The following BCAT2 variants were observed in gnomAD, a reference collection of about 807,000 sequenced individuals.
BCAT2 encodes branched chain amino acid transaminase 2, also known as branched-chain-amino-acid aminotransferase, mitochondrial.
In BCAT2, 44 loss-of-function variants were observed where a neutral mutation model predicts 52.9. The observed-to-expected ratio is 0.83, with a 90% CI of 0.65 to 1.07. The LOEUF (loss-of-function observed/expected upper bound fraction) is 1.07, where lower values mean the gene tolerates loss of function less well. Ranked by LOEUF, BCAT2 falls within the 50% of genes least tolerant of loss-of-function variation. The pLI is 0.00. For missense variants in BCAT2, 478 were observed against 521.8 expected, an observed-to-expected ratio of 0.92 and a Z score of 0.82; for synonymous variants, 215 against 217.1, an observed-to-expected ratio of 0.99 and a Z score of 0.08.
chr19:48,799,360 G>T lies in BCAT2; in HGVS notation c.695+315C>A, dbSNP rs911034165. The T allele has an allele frequency of 2.3e-4, 64 of 277,724 alleles. No homozygotes were observed. Among genetic ancestry groups the T allele is most frequent in the Non-Finnish European group, 6.0e-5 (9 of 149,678 alleles). The allele number at this position is 277,724 out of a possible 1,614,324, so 17.2% of individuals were successfully genotyped here. ...TGGGGGATCAGGGGAGGCTTCTGGG[G>T]CGAGAAGCCAATGAGCTGAGTGTAA... On this transcript the variant is annotated intron_variant, in intron 6 of 10. Coordinates refer to ENST00000316273, the MANE Select transcript of BCAT2 (RefSeq NM_001190.4). This position sits in a 1 kb window ranked among gnomAD's most constrained non-coding sequence, Gnocchi z 5.5.
At chr19:48,795,534 C>G (rs2034487407) in intron 10 of BCAT2, 70 bp from the exon 11 acceptor site, 28 of 1,572,390 alleles carry the variant, frequency 1.8e-5, no homozygotes, top group Non-Finnish European at 2.4e-5. Flanking sequence ...CTGGGGTGTT[C>G]CAGGCCGAGT....
At position 48,799,600 on chromosome 19, in the gene BCAT2, G is replaced by A. The variant is rs1239582542; in HGVS notation, c.695+75C>T. Reference sequence around the variant, plus strand: ...TCATGTGACATCCAGAGGCATGGCCGAAAGCACGCACGCTGGTCCCTGTGT... The same window carrying A: ...TCATGTGACATCCAGAGGCATGGCCAAAAGCACGCACGCTGGTCCCTGTGT... On this transcript the variant is annotated intron_variant, in intron 6 of 10. Transcript: ENST00000316273. The surrounding 1 kb of genome is among the most constrained non-coding windows in gnomAD (Gnocchi z 5.5). 3.4e-6 allele frequency: 5 copies of A among 1,457,236 alleles called. No homozygotes were observed. The highest frequency in any genetic ancestry group is 3.6e-6 in the Non-Finnish European group (4 of 1,101,826). 90.3% of individuals were successfully genotyped at this position (1,457,236 alleles called of 1,614,324 possible).
Position 48,807,065 on chromosome 19 carries a change from G to C in BCAT2, c.34C>G (p.Arg12Gly), listed in dbSNP as rs139293308. The C allele has an allele frequency of 6.2e-7, 1 of 1,613,774 alleles. No homozygotes were observed. Among genetic ancestry groups the C allele is most frequent in the Non-Finnish European group, 8.5e-7 (1 of 1,179,810 alleles). Residue 12 changes from arginine (R) to glycine (G), a missense_variant, in exon 2 of 11, where the codon CGA (arginine) becomes GGA (glycine). Coordinates refer to ENST00000316273, the MANE Select transcript of BCAT2 (RefSeq NM_001190.4). The surrounding 1 kb of genome is among the most constrained non-coding windows in gnomAD (Gnocchi z 4.6). Reference sequence around the variant, plus strand: ...AGCCAAGGGACAGAGAGAAGCTTTCGTGCCCAGATCTGGGTGGAGAAAGAA... The same window carrying C: ...AGCCAAGGGACAGAGAGAAGCTTTCCTGCCCAGATCTGGGTGGAGAAAGAA... ...AAAALGQIWARKLLSVPWLLC... is the reference protein window; with the variant it reads ...AAAALGQIWAGKLLSVPWLLC...
At position 48,795,214 on chromosome 19, in the gene BCAT2, C is replaced by G. The variant is rs538721253; in HGVS notation, c.*212G>C. On this transcript the variant is annotated 3_prime_UTR_variant, in exon 11 of 11. Coordinates refer to ENST00000316273, the MANE Select transcript of BCAT2 (RefSeq NM_001190.4). ...GCACGACAAGGAGTAATGGGCGGAC[C>G]TGAACCCGCGACGAGGGGCTGGGGG... The G allele has an allele frequency of 1.6e-6, 1 of 633,488 alleles. No individual in the cohort carries two copies. Among genetic ancestry groups the G allele is most frequent in the East Asian group, 2.7e-5 (1 of 36,490 alleles). 39.2% of individuals were successfully genotyped at this position (633,488 alleles called of 1,614,324 possible).
chr19:48,808,775 C>G (rs1249202741), intron 1 of BCAT2, among the ~76,000 whole-genome samples: 1 of 150,970 alleles, frequency 6.6e-6, no homozygotes, highest in African/African-American at 2.4e-5. Context: ...AGAAAAAAAA[C>G]AAAGAAAGAA....
At position 48,807,204 on chromosome 19, in the gene BCAT2, GA is replaced by G. The variant is rs1168934765; in HGVS notation, c.25-131del. On this transcript the variant is annotated intron_variant, in intron 1 of 10. Coordinates refer to ENST00000316273, the MANE Select transcript of BCAT2 (RefSeq NM_001190.4). This position sits in a 1 kb window ranked among gnomAD's most constrained non-coding sequence, Gnocchi z 4.6. Reference sequence around the variant, plus strand: ...TCTGTCCCAGTTTCAGTCCATTCTAGACGGGGCAGGTGGTCCTGAAGGAGGC... The same window carrying G: ...TCTGTCCCAGTTTCAGTCCATTCTAGCGGGGCAGGTGGTCCTGAAGGAGGC... 5.2e-6 allele frequency: 4 copies of G among 767,594 alleles called. No individual in the cohort carries two copies. Among genetic ancestry groups the G allele is most frequent in the Non-Finnish European group, 8.3e-6 (4 of 479,748 alleles). The allele number at this position is 767,594 out of a possible 1,614,324, so 47.5% of individuals were successfully genotyped here.
rs1245884537 is a variant in BCAT2 at position 48,807,325 on chromosome 19, C to T, written c.25-251G>A. On this transcript the variant is annotated intron_variant, in intron 1 of 10. Transcript: ENST00000316273. This position sits in a 1 kb window ranked among gnomAD's most constrained non-coding sequence, Gnocchi z 4.6. ...GCTGCGGCAAAGTCAAACGCAAGCG[C>T]CTCCCACCCCAGAGACCTTTGGTCG... is the stretch of plus-strand genomic sequence containing the variant. 1.7e-5 allele frequency: 7 copies of T among 420,626 alleles called. No homozygotes were observed. The Admixed American group carries it at 2.5e-4, about 15-fold the overall frequency. 26.1% of individuals were successfully genotyped at this position (420,626 alleles called of 1,614,324 possible). A position where few individuals can be genotyped will look rare whatever the true frequency, so the allele number is the denominator to read the frequency against.
intron 3 of BCAT2, 91 bp from the exon 4 acceptor site, chr19:48,800,388 C>G: frequency 8.5e-7 from 1 of 1,176,090 alleles, no homozygotes; most frequent in Non-Finnish European, 1.2e-6. Flanking sequence ...CACAAAGACA[C>G]AGACAACTGA....
Position 48,807,253 on chromosome 19 carries a change from G to C in BCAT2, c.25-179C>G. 1.8e-6 allele frequency: 1 copy of C among 567,728 alleles called. No homozygotes were observed. Among genetic ancestry groups the C allele is most frequent in the Non-Finnish European group, 3.1e-6 (1 of 324,064 alleles). The allele number at this position is 567,728 out of a possible 1,614,324, so 35.2% of individuals were successfully genotyped here. ...GGCCAAGTCCCCTCCCTGCCCTGAC[G>C]AGGGCTCGCTGGAAAGAGCTGAGTC... On this transcript the variant is annotated intron_variant, in intron 1 of 10. Coordinates refer to ENST00000316273, the MANE Select transcript of BCAT2 (RefSeq NM_001190.4). The surrounding 1 kb of genome is among the most constrained non-coding windows in gnomAD (Gnocchi z 4.6).
chr19:48,805,770 T>A (rs1599806500), intron 3 of BCAT2, among the ~76,000 whole-genome samples: 1 of 40,316 alleles, frequency 2.5e-5, no homozygotes, highest in Non-Finnish European at 4.5e-5. Flanking sequence ...CTGCCATCCC[T>A]CCCCCGGCTG....
At position 48,807,556 on chromosome 19, in the gene BCAT2, C is replaced by T; in HGVS notation, c.25-482G>A. 3.5e-6 allele frequency: 1 copy of T among 285,134 alleles called. No homozygotes were observed. Among genetic ancestry groups the T allele is most frequent in the Non-Finnish European group, 5.3e-6 (1 of 188,288 alleles). The allele number at this position is 285,134 out of a possible 1,614,324, so 17.7% of individuals were successfully genotyped here. A position where few individuals can be genotyped will look rare whatever the true frequency, so the allele number is the denominator to read the frequency against. ...ACTCTAGCTGCCTCCTCCCTCAGAC[C>T]CGAAGTCTGGGCCCCCAGCCCCTCC... is the stretch of plus-strand genomic sequence containing the variant. On this transcript the variant is annotated intron_variant, in intron 1 of 10. Transcript: ENST00000316273. This position sits in a 1 kb window ranked among gnomAD's most constrained non-coding sequence, Gnocchi z 4.6.
At position 48,811,012 on chromosome 19, in the gene BCAT2, C is replaced by T; in HGVS notation, c.-5G>A. ...CCCCAGAGCGGCTGCGGCCATGATC[C>T]GTGCGGCGCGTAACTGTGCCCGCCC... On this transcript the variant is annotated 5_prime_UTR_variant, in exon 1 of 11. Transcript: ENST00000316273. 6.2e-7 allele frequency: 1 copy of T among 1,604,222 alleles called. No homozygotes were observed. The highest frequency in any genetic ancestry group is 1.1e-5 in the South Asian group (1 of 89,826).
In BCAT2 at chr19:48,807,050, C is replaced by G; in HGVS notation, c.49G>C (p.Val17Leu). 6.2e-7 allele frequency: 1 copy of G among 1,613,920 alleles called. No individual in the cohort carries two copies. Among genetic ancestry groups the G allele is most frequent in the Non-Finnish European group, 8.5e-7 (1 of 1,179,926 alleles). ...CTGGGACCACACAGAAGCCAAGGGA[C>G]AGAGAGAAGCTTTCGTGCCCAGATC... ...GQIWARKLLS[V>L]PWLLCGPRRY... Residue 17 changes from valine to leucine, a missense_variant, in exon 2 of 11, where the codon GTC (valine) becomes CTC (leucine). By Grantham distance (32) the Val-to-Leu change is conservative. Coordinates refer to ENST00000316273, the MANE Select transcript of BCAT2 (RefSeq NM_001190.4). The surrounding 1 kb of genome is among the most constrained non-coding windows in gnomAD (Gnocchi z 4.6).
In BCAT2 at chr19:48,796,399, AGCCCATTCCCCAGCTCCCT is replaced by A. The variant is rs777190327; in HGVS notation, c.1140+10_1140+28del. 1 of 1,613,970 alleles carries A rather than the reference AGCCCATTCCCCAGCTCCCT, an allele frequency of 6.2e-7. No individual in the cohort carries two copies. Among genetic ancestry groups the A allele is most frequent in the East Asian group, 2.2e-5 (1 of 44,878 alleles). ...CAACTTCTCCAGGGAACAAGCTCCC[AGCCCATTCCCCAGCTCCCT>A]GCAGCTCACCTGGATCTCCTTCAGC... On this transcript the variant is annotated intron_variant, in intron 10 of 10. Transcript: ENST00000316273.
chr19:48,797,637 G>A (rs962719147), intron 6 of BCAT2: 6 of 323,454 alleles, frequency 1.9e-5, no homozygotes, highest in South Asian at 9.0e-5. Flanking sequence ...TGCAACCTCC[G>A]CCTCCCAGGT....
rs2034600758 is a variant in BCAT2 at position 48,799,252 on chromosome 19, TAC to T, written c.695+421_695+422del. The T allele has an allele frequency of 6.2e-6, 1 of 161,010 alleles. No homozygotes were observed. The highest frequency in any genetic ancestry group is 1.3e-5 in the Non-Finnish European group (1 of 74,418). 10.0% of individuals were successfully genotyped at this position (161,010 alleles called of 1,614,324 possible). A position where few individuals can be genotyped will look rare whatever the true frequency, so the allele number is the denominator to read the frequency against. On this transcript the variant is annotated intron_variant, in intron 6 of 10. Coordinates refer to ENST00000316273, the MANE Select transcript of BCAT2 (RefSeq NM_001190.4). The surrounding 1 kb of genome is among the most constrained non-coding windows in gnomAD (Gnocchi z 5.5). Reference sequence around the variant, plus strand: ...AGCTGAGGCCACTGGGAGACAGATTTACACAGAAAGTCCACACGGGGGTGAGG... The same window carrying T: ...AGCTGAGGCCACTGGGAGACAGATTTACAGAAAGTCCACACGGGGGTGAGG...
rs1471894075 is a variant in BCAT2 at position 48,795,598 on chromosome 19, G to C, written c.1141-134C>G. ...CGGGAAATGTAGTCCACTTCCCAGA[G>C]GGCCCCAACAATGATGGGAACGGGG... On this transcript the variant is annotated intron_variant, in intron 10 of 10. Transcript: ENST00000316273. The C allele has an allele frequency of 1.7e-5, 17 of 993,650 alleles. No individual in the cohort carries two copies. The Admixed American group carries it at 3.2e-4, about 19-fold the overall frequency. The allele number at this position is 993,650 out of a possible 1,614,324, so 61.6% of individuals were successfully genotyped here. A position where few individuals can be genotyped will look rare whatever the true frequency, so the allele number is the denominator to read the frequency against.
chr19:48,806,442 T>G, intron 3 of BCAT2, 75 bp downstream of exon 3: 1 of 1,558,860 alleles, frequency 6.4e-7, no homozygotes. Flanking sequence ...CCAAGAGAGG[T>G]ACACCTGGCA....
rs969725115 is a variant in BCAT2 at position 48,797,427 on chromosome 19, C to G, written c.696-94G>C. 3.4e-6 allele frequency: 5 copies of G among 1,479,150 alleles called. No homozygotes were observed. In the African/African-American group the frequency reaches 5.6e-5, roughly 16 times the overall value. 91.6% of individuals were successfully genotyped at this position (1,479,150 alleles called of 1,614,324 possible). On this transcript the variant is annotated intron_variant, in intron 6 of 10. Coordinates refer to ENST00000316273, the MANE Select transcript of BCAT2 (RefSeq NM_001190.4). ...GGCTCATCCTACTCTCTCCCGTCTCCCTGCTCACAGCTCTCACAGGGCTCC... is the reference window on the plus strand; with the variant it reads ...GGCTCATCCTACTCTCTCCCGTCTCGCTGCTCACAGCTCTCACAGGGCTCC...
Sources: gnomAD v4.1 joint callset for allele counts (sites outside exome capture counted in the v4.1 genomes callset) on GRCh38, gnomAD v4.1.1 for gene constraint, Gnocchi (gnomAD v3.1) non-coding constraint, MANE v1.5 for transcripts, NCBI Gene and HGNC (gene_info 2026-07-23, HGNC 2026-07-21) for gene names.